The following MROH2A variants were observed in gnomAD, a reference collection of about 807,000 sequenced individuals.
The protein encoded by MROH2A is maestro heat like repeat family member 2A, also known as maestro heat-like repeat-containing protein family member 2A.
Under a neutral mutation model 200.4 loss-of-function variants are expected in MROH2A, and 174 were observed. The ratio of observed to expected loss-of-function variants is 0.87; its 90% CI spans 0.77 to 0.98. The LOEUF (loss-of-function observed/expected upper bound fraction) is 0.98. Among genes scored for constraint, MROH2A ranks in the 50% least tolerant of loss-of-function variants. The pLI, the probability that MROH2A is intolerant of heterozygous loss-of-function variation, is 0.00. For synonymous variants in MROH2A, 829 were observed against 840.4 expected, an observed-to-expected ratio of 0.99 and a Z score of 0.23; for missense variants, 2,045 against 2,139.6, an observed-to-expected ratio of 0.96 and a Z score of 0.87.
intron 23 of MROH2A, 25 bp downstream of exon 23, chr2:233,810,941 G>C (rs527771436): frequency 6.5e-7 from 1 of 1,548,220 alleles, no homozygotes; most frequent in African/African-American, 1.4e-5. Flanking sequence ...GCACCTCCTT[G>C]GTCCTGTTCC....
Position 233,810,902 on chromosome 2 carries a change from ACCAG to A in MROH2A, c.2559_2562del (p.Ser854LeufsTer2). On this transcript the variant is annotated frameshift_variant, in exon 23 of 42. Transcript: ENST00000389758. LOFTEE classifies it high-confidence loss of function. ...TCACTTTGCCCAGAAGACGACTCTTACCAGCATTATAGTGGTAAGCTGGGTGGGG... is the reference window on the plus strand; with the variant it reads ...TCACTTTGCCCAGAAGACGACTCTTACATTATAGTGGTAAGCTGGGTGGGG... The A allele has an allele frequency of 6.5e-7, 1 of 1,550,124 alleles. No homozygotes were observed. Among genetic ancestry groups the A allele is most frequent in the Non-Finnish European group, 8.7e-7 (1 of 1,146,690 alleles).
chr2:233,786,004 C>T (rs1044316095), intron 3 of MROH2A, among the ~76,000 whole-genome samples: 11 of 152,096 alleles, frequency 7.2e-5, no homozygotes, highest in Non-Finnish European at 8.8e-5. Context: ...TGTTGTGGGA[C>T]GGAACAATTG....
intron 3 of MROH2A, among the ~76,000 whole-genome samples, chr2:233,788,111 A>T (rs1480111607): frequency 9.1e-6 from 1 of 110,240 alleles, no homozygotes; most frequent in Non-Finnish European, 1.7e-5. Context: ...ATATACATAT[A>T]TATTATATAT....
chr2:233,800,047 G>A (rs1575947181), intron 13 of MROH2A, 148 bp downstream of exon 13: 3 of 1,195,566 alleles, frequency 2.5e-6, no homozygotes, highest in African/African-American at 1.5e-5. Flanking sequence ...GAACCTGCAG[G>A]TGACAATGTG....
At chr2:233,803,010 C>A (rs999149570) in intron 15 of MROH2A, among the ~76,000 whole-genome samples, 2 of 152,220 alleles carry the variant, frequency 1.3e-5, no homozygotes, top group African/African-American at 4.8e-5. Flanking sequence ...CCTGGCCGTG[C>A]CCTTGTCCAT....
chr2:233,786,457 C>T (rs1701214121), intron 3 of MROH2A, among the ~76,000 whole-genome samples: 1 of 152,236 alleles, frequency 6.6e-6, no homozygotes. Flanking sequence ...GCACCAATCC[C>T]ATGAGATTAG....
chr2:233,790,230 C>T (rs1170159769), intron 5 of MROH2A, among the ~76,000 whole-genome samples: 2 of 152,036 alleles, frequency 1.3e-5, no homozygotes, highest in East Asian at 1.9e-4. Flanking sequence ...CCCCCTCTCT[C>T]CTGCTCCCCT....
At chr2:233,790,473 CTT>C (rs1701660483) in intron 5 of MROH2A, among the ~76,000 whole-genome samples, 1 of 67,654 alleles carries the variant, frequency 1.5e-5, no homozygotes, top group East Asian at 5.9e-4. Context: ...TCCCTCCCTC[CTT>C]CCTTCCTCCC....
chr2:233,828,851 AGGGAG>A lies in MROH2A; in HGVS notation c.4264-36_4264-32del. On this transcript the variant is annotated intron_variant, in intron 36 of 41. Coordinates refer to ENST00000389758, the MANE Select transcript of MROH2A (RefSeq NM_001394639.1). The surrounding 1 kb of genome is among the most constrained non-coding windows in gnomAD (Gnocchi z 4.6). ...GGCCGGGTGCCCTGGTCAGCCTGGG[AGGGAG>A]GGTGCAGGCTGAGGGCTGCCCATGC... 1 of 1,549,696 alleles carries A rather than the reference AGGGAG, an allele frequency of 6.5e-7. No homozygotes were observed. Among genetic ancestry groups the A allele is most frequent in the Non-Finnish European group, 8.7e-7 (1 of 1,146,584 alleles).
Position 233,811,908 on chromosome 2 carries a change from A to G in MROH2A, c.2600A>G (p.Asn867Ser), listed in dbSNP as rs1703180489. The stretch of plus-strand genomic sequence containing the variant: ...GTCATCAAGGCAGAACCGACTGACA[A>G]CCTGGTTTCTCCAGTGCGAGCCTTG... ...VAVIKAEPTD[N>S]LVSPVRALAM... The change falls in exon 24 of 42, where the codon AAC (asparagine) becomes AGC (serine). Residue 867 changes from asparagine to serine, a missense_variant. Coordinates refer to ENST00000389758, the MANE Select transcript of MROH2A (RefSeq NM_001394639.1). 2 of 1,550,398 alleles carry G rather than the reference A, an allele frequency of 1.3e-6. No homozygotes were observed.
chr2:233,814,744 C>A, intron 26 of MROH2A, 67 bp downstream of exon 26: 1 of 1,110,478 alleles, frequency 9.0e-7, no homozygotes, highest in Non-Finnish European at 1.3e-6. Flanking sequence ...GACTGAGGGC[C>A]AGACTCTGGG....
chr2:233,807,992 A>G lies in MROH2A; in HGVS notation c.2295+137A>G, dbSNP rs910617325. On this transcript the variant is annotated intron_variant, in intron 21 of 41. Transcript: ENST00000389758. The surrounding 1 kb of genome is among the most constrained non-coding windows in gnomAD (Gnocchi z 4.3). ...CTCCTGTCATCAAAATGGCTGAGAC[A>G]TTGTCTTACTCTGAGACCTCCTGGA... 6.1e-6 allele frequency: 7 copies of G among 1,151,918 alleles called. No individual in the cohort carries two copies. The highest frequency in any genetic ancestry group is 1.5e-5 in the African/African-American group (1 of 64,938). 71.4% of individuals were successfully genotyped at this position (1,151,918 alleles called of 1,614,324 possible).
At chr2:233,826,151 T>C (rs1020725763) in intron 35 of MROH2A, among the ~76,000 whole-genome samples, 3 of 152,052 alleles carry the variant, frequency 2.0e-5, no homozygotes, top group Non-Finnish European at 4.4e-5. Context: ...TCTCGATCTC[T>C]TGACCTTGTG....
In MROH2A at chr2:233,807,650, G is replaced by A. The variant is rs1702889409; in HGVS notation, c.2173-83G>A. Reference sequence around the variant, plus strand: ...TTTGTGTGTGTGTGTGTACATGTGTGTGTGCCTTGCACGTGTGTGTGTGGG... The same window carrying A: ...TTTGTGTGTGTGTGTGTACATGTGTATGTGCCTTGCACGTGTGTGTGTGGG... On this transcript the variant is annotated intron_variant, in intron 20 of 41. Coordinates refer to ENST00000389758, the MANE Select transcript of MROH2A (RefSeq NM_001394639.1). The surrounding 1 kb of genome is among the most constrained non-coding windows in gnomAD (Gnocchi z 4.3). 1.9e-6 allele frequency: 3 copies of A among 1,546,692 alleles called. No individual in the cohort carries two copies. The highest frequency in any genetic ancestry group is 3.9e-5 in the Admixed American group (2 of 50,946).
At chr2:233,811,591 C>T (rs572370650) in intron 23 of MROH2A, among the ~76,000 whole-genome samples, 1 of 152,316 alleles carries the variant, frequency 6.6e-6, no homozygotes, top group African/African-American at 2.4e-5. Context: ...GTCTCCAGGT[C>T]TTGTTTTACA....
rs774366253 is a variant in MROH2A at position 233,818,019 on chromosome 2, G to A, written c.2979G>A (p.Gly993=). ...STAVCIHLKL[G]QFGTMVGLIA... is the part of the protein sequence containing the mutation. ...TCCCTCAGATCCACCTAAAGCTGGGGCAGTTTGGCACAATGGTCGGACTCA... is the reference window on the plus strand; with the variant it reads ...TCCCTCAGATCCACCTAAAGCTGGGACAGTTTGGCACAATGGTCGGACTCA... The change falls in exon 28 of 42, where the codon GGG becomes GGA. Residue 993 remains glycine (G), a synonymous_variant. Transcript: ENST00000389758. 2 of 1,550,984 alleles carry A rather than the reference G, an allele frequency of 1.3e-6. No homozygotes were observed. Among genetic ancestry groups the A allele is most frequent in the South Asian group, 1.2e-5 (1 of 84,070 alleles).
intron 29 of MROH2A, 133 bp downstream of exon 29, chr2:233,818,903 C>G: frequency 1.6e-6 from 1 of 628,004 alleles, no homozygotes; most frequent in South Asian, 2.0e-5. Context: ...CGGCCTTTGG[C>G]CCAACTGCTG....
At chr2:233,781,516 G>A (rs1226485330) in intron 3 of MROH2A, among the ~76,000 whole-genome samples, 1 of 152,060 alleles carries the variant, frequency 6.6e-6, no homozygotes, top group Non-Finnish European at 1.5e-5. Context: ...TTATATCCCT[G>A]TTGGCCACTT....
At chr2:233,798,447 T>G (rs1702253592) in intron 11 of MROH2A, among the ~76,000 whole-genome samples, 1 of 152,254 alleles carries the variant, frequency 6.6e-6, no homozygotes, top group East Asian at 1.9e-4. Context: ...AACCTCTGTG[T>G]GCCCACTGCA....
Sources: gnomAD v4.1 joint callset for allele counts (sites outside exome capture counted in the v4.1 genomes callset) on GRCh38, gnomAD v4.1.1 for gene constraint, Gnocchi (gnomAD v3.1) non-coding constraint, MANE v1.5 for transcripts, NCBI Gene and HGNC (gene_info 2026-07-23, HGNC 2026-07-21) for gene names.